The following DNMBP variants were observed in gnomAD, a reference collection of about 807,000 sequenced individuals.
The protein encoded by DNMBP is dynamin-binding protein.
Under a neutral mutation model 150.0 loss-of-function variants are expected in DNMBP, and 87 were observed. That is an observed-to-expected ratio of 0.58 (90% CI 0.49 to 0.69). The LOEUF (loss-of-function observed/expected upper bound fraction) is 0.69, where lower values mean the gene tolerates loss of function less well. Ranked by LOEUF, DNMBP falls within the 30% of genes least tolerant of loss-of-function variation. The pLI, the probability that DNMBP is intolerant of heterozygous loss-of-function variation, is 0.00. For missense variants in DNMBP, 1,774 were observed against 1,949.0 expected, an observed-to-expected ratio of 0.91 and a Z score of 1.69; for synonymous variants, 711 against 750.4, an observed-to-expected ratio of 0.95 and a Z score of 0.86.
Position 99,877,091 on chromosome 10 carries a change from C to CCGTGTCATTA in DNMBP, c.*59_*60insTAATGACACG. 6.7e-7 allele frequency: 1 copy of CCGTGTCATTA among 1,485,890 alleles called. No homozygotes were observed. Among genetic ancestry groups the CCGTGTCATTA allele is most frequent in the Non-Finnish European group, 9.0e-7 (1 of 1,110,288 alleles). 92.0% of individuals were successfully genotyped at this position (1,485,890 alleles called of 1,614,324 possible). A position where few individuals can be genotyped will look rare whatever the true frequency, so the allele number is the denominator to read the frequency against. ...GAGCAGGCGCCCTCTCGGTGGGCCGCCAGAACCCTCGGCGGACTGAAAGCA... is the reference window on the plus strand; with the variant it reads ...GAGCAGGCGCCCTCTCGGTGGGCCGCCGTGTCATTACAGAACCCTCGGCGGACTGAAAGCA... On this transcript the variant is annotated 3_prime_UTR_variant, in exon 17 of 17. Transcript: ENST00000324109.
chr10:99,935,922 T>A (rs1159323512), intron 4 of DNMBP, among the ~76,000 whole-genome samples: 1 of 152,182 alleles, frequency 6.6e-6, no homozygotes, highest in East Asian at 1.9e-4. Flanking sequence ...ATAACCCGGT[T>A]TTCCAATGTG....
chr10:99,890,601 C>T (rs544143226), intron 11 of DNMBP, among the ~76,000 whole-genome samples: 1 of 152,250 alleles, frequency 6.6e-6, no homozygotes, highest in African/African-American at 2.4e-5. Flanking sequence ...AGGGGAAAGT[C>T]CTATGAAGCA....
Position 99,877,115 on chromosome 10 carries a change from C to CA in DNMBP, c.*35dup. On this transcript the variant is annotated 3_prime_UTR_variant, in exon 17 of 17. Coordinates refer to ENST00000324109, the MANE Select transcript of DNMBP (RefSeq NM_015221.4). ...GCCAGAACCCTCGGCGGACTGAAAG[C>CA]AAAGGCAGCAAGGCTGGGTGGCAGG... The CA allele has an allele frequency of 1.3e-6, 2 of 1,573,194 alleles. No homozygotes were observed. The highest frequency in any genetic ancestry group is 1.7e-6 in the Non-Finnish European group (2 of 1,159,540).
chr10:99,925,607 G>A (rs1439835416), intron 4 of DNMBP, among the ~76,000 whole-genome samples: 1 of 151,938 alleles, frequency 6.6e-6, no homozygotes, highest in Non-Finnish European at 1.5e-5. Flanking sequence ...TACACAGGGG[G>A]TTTCACCATG....
chr10:99,993,461 AAAGT>A (rs1280472850), intron 1 of DNMBP, among the ~76,000 whole-genome samples: 25 of 152,286 alleles, frequency 1.6e-4, no homozygotes, highest in African/African-American at 6.0e-4. Context: ...TCAATTTTTA[AAAGT>A]AAGTGTCTCT....
At chr10:99,932,051 T>C (rs957543740) in intron 4 of DNMBP, among the ~76,000 whole-genome samples, 2 of 152,208 alleles carry the variant, frequency 1.3e-5, no homozygotes, top group African/African-American at 4.8e-5. Flanking sequence ...TCAATGACAT[T>C]TATTTTATTC....
chr10:99,888,335 T>A (rs1285795871), intron 12 of DNMBP, among the ~76,000 whole-genome samples: 1 of 151,984 alleles, frequency 6.6e-6, no homozygotes, highest in Non-Finnish European at 1.5e-5. Context: ...CTCGGCCTCC[T>A]GAGTACCTGG....
intron 14 of DNMBP, 96 bp from the exon 15 acceptor site, chr10:99,884,305 G>C: frequency 1.8e-6 from 2 of 1,098,016 alleles, no homozygotes; most frequent in Non-Finnish European, 1.3e-6. Flanking sequence ...AATGAGGCAG[G>C]GACAGTCAGT....
rs560963009 is a variant in DNMBP, at chr10:99,965,328, T to C, written c.268+3787A>G. On this transcript the variant is annotated intron_variant, in intron 3 of 16. Coordinates refer to ENST00000324109, the MANE Select transcript of DNMBP (RefSeq NM_015221.4). Reference sequence around the variant, plus strand: ...TTAAACTTAGGCCTGTCAGAATTCTTATCCCCTAAGCTATACTGCCTGCTC... The same window carrying C: ...TTAAACTTAGGCCTGTCAGAATTCTCATCCCCTAAGCTATACTGCCTGCTC... Among the ~76,000 whole-genome samples the C allele has an allele frequency of 5.3e-5, 8 of 152,292 alleles. No homozygotes were observed. The South Asian group carries it at 1.0e-3, about 20-fold the overall frequency.
intron 7 of DNMBP, among the ~76,000 whole-genome samples, chr10:99,899,615 G>C (rs1367681904): frequency 7.6e-6 from 1 of 132,328 alleles, no homozygotes; most frequent in Admixed American, 8.2e-5. Flanking sequence ...ACTCTGGCCT[G>C]GGTGAGAGTG....
intron 6 of DNMBP, among the ~76,000 whole-genome samples, chr10:99,904,563 C>T (rs1042401572): frequency 2.0e-5 from 3 of 152,096 alleles, no homozygotes; most frequent in Non-Finnish European, 2.9e-5. Context: ...ACTGAACGCA[C>T]GCCTGGCCTT....
At position 99,955,363 on chromosome 10, in the gene DNMBP, T is replaced by A. The variant is rs1334919998; in HGVS notation, c.2111A>T (p.Asp704Val). The stretch of plus-strand genomic sequence containing the variant: ...TTGAGCTCTACTGTACATATCCAAG[T>A]CCCGCTCCATTTCCTCAATCCTCAC... ...VLVRIEEMER[D>V]LDMYSRAQEE... The change falls in exon 4 of 17, where the codon GAC (aspartate) becomes GTC (valine). Residue 704 changes from aspartate (D) to valine (V), a missense_variant. Around this residue, in one of 2 missense-constraint regions of DNMBP, gnomAD observed 1,430 missense variants for 1,492.5 expected, o/e 0.96. Transcript: ENST00000324109. 6.2e-7 allele frequency: 1 copy of A among 1,614,168 alleles called. No homozygotes were observed.
chr10:99,888,796 G>C, intron 12 of DNMBP, 29 bp downstream of exon 12: 1 of 1,613,258 alleles, frequency 6.2e-7, no homozygotes, highest in Non-Finnish European at 8.5e-7. Flanking sequence ...CTGGGAAGGG[G>C]GCCAACTTTT....
At chr10:99,927,955 C>T (rs747103859) in intron 4 of DNMBP, among the ~76,000 whole-genome samples, 4 of 151,878 alleles carry the variant, frequency 2.6e-5, no homozygotes, top group Admixed American at 6.6e-5. Context: ...GGAACAGATG[C>T]GGGGGGAAGG....
intron 15 of DNMBP, among the ~76,000 whole-genome samples, chr10:99,881,070 A>G (rs530313410): frequency 1.8e-4 from 28 of 152,274 alleles, no homozygotes; most frequent in African/African-American, 6.7e-4. Flanking sequence ...TATTAAAAAT[A>G]CGAAAATATT....
At chr10:99,978,744 A>G (rs1487071578) in intron 1 of DNMBP, among the ~76,000 whole-genome samples, 2 of 151,958 alleles carry the variant, frequency 1.3e-5, no homozygotes, top group African/African-American at 4.8e-5. Context: ...ACACCTGGCT[A>G]ATTTATTTAC....
intron 4 of DNMBP, among the ~76,000 whole-genome samples, chr10:99,915,590 C>T (rs2133258032): frequency 6.6e-6 from 1 of 152,120 alleles, no homozygotes; most frequent in South Asian, 2.1e-4. Context: ...TAGCACGTGC[C>T]TGTAGTCCCA....
At chr10:99,926,001 A>C (rs2040073845) in intron 4 of DNMBP, among the ~76,000 whole-genome samples, 1 of 152,182 alleles carries the variant, frequency 6.6e-6, no homozygotes, top group Non-Finnish European at 1.5e-5. Flanking sequence ...TCCAACCCTG[A>C]ACCTTTAGCC....
chr10:99,880,366 A>C lies in DNMBP; in HGVS notation c.3998-5T>G, dbSNP rs1232091410. The C allele has an allele frequency of 3.2e-6, 5 of 1,564,048 alleles. No homozygotes were observed. Among genetic ancestry groups the C allele is most frequent in the Non-Finnish European group, 3.5e-6 (4 of 1,157,812 alleles). On this transcript the variant is annotated splice_polypyrimidine_tract_variant and splice_region_variant and intron_variant, in intron 15 of 16. Transcript: ENST00000324109. ...TGTACACGAAGCCTTTGGTGACTACAAAGGAAACAGGAAATATAAACAAGA... is the reference window on the plus strand; with the variant it reads ...TGTACACGAAGCCTTTGGTGACTACCAAGGAAACAGGAAATATAAACAAGA...
Sources: allele counts gnomAD v4.1 joint callset (sites outside exome capture counted in the v4.1 genomes callset), GRCh38; gene constraint gnomAD v4.1.1; regional missense constraint gnomAD v4.1.1; transcripts MANE v1.5; gene names NCBI Gene and HGNC (gene_info 2026-07-23, HGNC 2026-07-21).